Variants in TNR observed in about 807,000 individuals in gnomAD.
The protein encoded by TNR is tenascin-R.
A neutral mutation model predicts 150.4 loss-of-function variants in TNR; 45 were observed. The ratio of observed to expected loss-of-function variants is 0.30; its 90% CI spans 0.24 to 0.38. TNR has a LOEUF of 0.38. Among genes scored for constraint, TNR ranks in the 10% least tolerant of loss-of-function variants. TNR has a pLI of 1.00. For synonymous variants in TNR, 687 were observed against 678.4 expected, an observed-to-expected ratio of 1.01 and a Z score of -0.20; for missense variants, 1,544 against 1,759.1, an observed-to-expected ratio of 0.88 and a Z score of 2.19.
At chr1:175,418,722 G>GAA (rs71565437) in intron 2 of TNR, among the ~76,000 whole-genome samples, 5 of 129,938 alleles carry the variant, frequency 3.8e-5, no homozygotes, top group Admixed American at 7.9e-5. Context: ...GAGAGAGAGA[G>GAA]AAAAAAAAAA....
chr1:175,577,438 G>A (rs1662164373), intron 1 of TNR, among the ~76,000 whole-genome samples: 1 of 152,118 alleles, frequency 6.6e-6, no homozygotes, highest in African/African-American at 2.4e-5. Flanking sequence ...TCTCCCTGCT[G>A]CCTAACACAC....
chr1:175,491,078 A>C (rs1251255637), intron 2 of TNR, among the ~76,000 whole-genome samples: 1 of 152,368 alleles, frequency 6.6e-6, no homozygotes, highest in African/African-American at 2.4e-5. Context: ...AGGGACATAG[A>C]TGGAATTGGA....
intron 12 of TNR, among the ~76,000 whole-genome samples, chr1:175,364,245 G>C (rs1309901254): frequency 6.6e-6 from 1 of 151,594 alleles, no homozygotes; most frequent in Non-Finnish European, 1.5e-5. Context: ...TTGAAAAACT[G>C]CCTATTGACT....
intron 2 of TNR, among the ~76,000 whole-genome samples, chr1:175,505,731 T>C (rs1056892546): frequency 9.9e-5 from 15 of 152,224 alleles, no homozygotes; most frequent in Admixed American, 2.0e-4. Context: ...AGGATTGTTA[T>C]GAAGAACATA....
intron 1 of TNR, among the ~76,000 whole-genome samples, chr1:175,618,448 A>G (rs938485097): frequency 6.6e-6 from 1 of 152,108 alleles, no homozygotes; most frequent in East Asian, 1.9e-4. Flanking sequence ...CTTTAATTTT[A>G]CTACAGTTCC....
At chr1:175,500,791 G>A (rs1232263036) in intron 2 of TNR, among the ~76,000 whole-genome samples, 2 of 152,216 alleles carry the variant, frequency 1.3e-5, no homozygotes, top group African/African-American at 4.8e-5. Context: ...GAAGAGGTCT[G>A]GAGCAGGAGG....
Position 175,573,107 on chromosome 1 carries a change from G to A in TNR, c.-164-44738C>T, listed in dbSNP as rs73048389. 8.8e-3 allele frequency among the ~76,000 whole-genome samples: 1,336 copies of A among 152,296 alleles called. 17 individuals are homozygous for A. The highest frequency in any genetic ancestry group is 0.031 in the African/African-American group (1,276 of 41,566). On this transcript the variant is annotated intron_variant, in intron 1 of 22. Transcript: ENST00000367674. ...GTGGTCCAAATTGATCCTCTGATTA[G>A]CGTGCCTAAGCAGACGTTGACCATA...
At chr1:175,405,467 T>A (rs1301434747) in intron 3 of TNR, among the ~76,000 whole-genome samples, 1 of 152,182 alleles carries the variant, frequency 6.6e-6, no homozygotes, top group Admixed American at 6.5e-5. Flanking sequence ...TAAAGGTAAC[T>A]CACAAGGGTT....
intron 1 of TNR, among the ~76,000 whole-genome samples, chr1:175,678,984 T>C (rs569340968): frequency 6.6e-6 from 1 of 152,352 alleles, no homozygotes; most frequent in African/African-American, 2.4e-5. Context: ...CAAACCTATG[T>C]CTGTCCACAC....
At chr1:175,660,666 G>A (rs913074606) in intron 1 of TNR, among the ~76,000 whole-genome samples, 3 of 152,230 alleles carry the variant, frequency 2.0e-5, no homozygotes, top group Non-Finnish European at 2.9e-5. Context: ...CACAGACATT[G>A]GAGAGGGAGT....
chr1:175,445,244 TG>T (rs999573630), intron 2 of TNR, among the ~76,000 whole-genome samples: 13 of 152,050 alleles, frequency 8.5e-5, no homozygotes, highest in African/African-American at 3.1e-4. Flanking sequence ...CATTCCAGCC[TG>T]GGGGAAAGTG....
intron 1 of TNR, among the ~76,000 whole-genome samples, chr1:175,633,407 C>T (rs1470210241): frequency 1.3e-5 from 2 of 151,794 alleles, no homozygotes; most frequent in Non-Finnish European, 2.9e-5. Flanking sequence ...AAATAAAGAT[C>T]AGAGGATTAG....
intron 1 of TNR, among the ~76,000 whole-genome samples, chr1:175,729,839 C>T (rs768451482): frequency 6.6e-6 from 1 of 152,126 alleles, no homozygotes; most frequent in Non-Finnish European, 1.5e-5. Flanking sequence ...CTATGTGGGT[C>T]CCATCTGCTC....
At chr1:175,661,115 TTC>T (rs1665355992) in intron 1 of TNR, among the ~76,000 whole-genome samples, 1 of 152,170 alleles carries the variant, frequency 6.6e-6, no homozygotes. Context: ...TCACACTTAT[TTC>T]CTGAGCTCCT....
intron 1 of TNR, among the ~76,000 whole-genome samples, chr1:175,672,430 A>C (rs1377552764): frequency 6.6e-6 from 1 of 152,070 alleles, no homozygotes; most frequent in Admixed American, 6.5e-5. Context: ...GACTTCCACC[A>C]TTTGATTTTA....
At chr1:175,569,654 C>A (rs549786935) in intron 1 of TNR, among the ~76,000 whole-genome samples, 24 of 152,318 alleles carry the variant, frequency 1.6e-4, no homozygotes, top group African/African-American at 5.8e-4. Flanking sequence ...AATATGTCAT[C>A]AAAATTAATA....
rs1651663787 is a variant in TNR, at chr1:175,362,806, C to T, written c.2711G>A (p.Gly904Glu). 1 of 1,614,042 alleles carries T rather than the reference C, an allele frequency of 6.2e-7. No homozygotes were observed. The highest frequency in any genetic ancestry group is 8.5e-7 in the Non-Finnish European group (1 of 1,179,946). Residue 904 changes from glycine (G) to glutamate (E), a missense_variant, in exon 14 of 23, where the codon GGA (glycine) becomes GAA (glutamate). Physicochemically the swap from Gly to Glu is moderately conservative, Grantham distance 98. Coordinates refer to ENST00000367674, the MANE Select transcript of TNR (RefSeq NM_003285.3). ...YRVSYRPTQV[G>E]RLDSSVVPNT... ...GGGCACCACTGAGCTGTCTAGTCGT[C>T]CCACTGGAGAAGAGAAGAATCTACA...
chr1:175,353,488 G>C (rs1315741753), intron 18 of TNR, among the ~76,000 whole-genome samples: 1 of 152,176 alleles, frequency 6.6e-6, no homozygotes, highest in Non-Finnish European at 1.5e-5. Context: ...AGGAGGGAAG[G>C]CAGCCGGAAC....
At chr1:175,348,551 G>A (rs1650905642) in intron 18 of TNR, among the ~76,000 whole-genome samples, 1 of 152,144 alleles carries the variant, frequency 6.6e-6, no homozygotes, top group Non-Finnish European at 1.5e-5. Flanking sequence ...GCACAATGTG[G>A]TATTTATGGA....
Sources: allele counts gnomAD v4.1 joint callset (sites outside exome capture counted in the v4.1 genomes callset), GRCh38; gene constraint gnomAD v4.1.1; transcripts MANE v1.5; gene names NCBI Gene and HGNC (gene_info 2026-07-23, HGNC 2026-07-21).